Variants in KLHL29 observed in about 807,000 individuals in gnomAD.
The protein encoded by KLHL29 is kelch like family member 29.
KLHL29 carries 21 observed loss-of-function variants against 80.4 expected under a neutral mutation model. That is an observed-to-expected ratio of 0.26 (90% CI 0.19 to 0.38). The LOEUF is 0.38. Ranked by LOEUF, KLHL29 falls within the 10% of genes least tolerant of loss-of-function variation. The pLI is 1.00. For synonymous variants in KLHL29, 511 were observed against 526.8 expected (o/e 0.97, Z 0.41); for missense variants, 867 against 1,223.9 (o/e 0.71, Z 4.35).
chr2:23,636,569 T>G (rs1185913353), intron 3 of KLHL29, among the ~76,000 whole-genome samples: 1 of 152,154 alleles, frequency 6.6e-6, no homozygotes, highest in Non-Finnish European at 1.5e-5. Context: ...TACCCCAGCT[T>G]CTTTCCCTCG....
chr2:23,563,420 A>G (rs1029480151), intron 3 of KLHL29, among the ~76,000 whole-genome samples: 1 of 152,244 alleles, frequency 6.6e-6, no homozygotes, highest in African/African-American at 2.4e-5. Context: ...TCTGCTGGCC[A>G]TTCGGAGCTG....
intron 2 of KLHL29, among the ~76,000 whole-genome samples, chr2:23,534,027 AT>A (rs1375295107): frequency 6.6e-6 from 1 of 151,228 alleles, no homozygotes; most frequent in Non-Finnish European, 1.5e-5. Flanking sequence ...TTTAATTGAT[AT>A]TTGAACCAAG....
chr2:23,455,008 G>GGA (rs1553325758), intron 1 of KLHL29, among the ~76,000 whole-genome samples: 29,480 of 148,826 alleles, frequency 0.2, 4,283 homozygotes, highest in African/African-American at 0.4. Flanking sequence ...GGTTGGGGGG[G>GGA]GGGCATTTAT....
intron 3 of KLHL29, among the ~76,000 whole-genome samples, chr2:23,621,596 G>A (rs1357577063): frequency 6.6e-6 from 1 of 152,046 alleles, no homozygotes; most frequent in African/African-American, 2.4e-5. Context: ...TGGTGCTAAT[G>A]GGACAGACCC....
At chr2:23,585,580 T>C (rs1668097891) in intron 3 of KLHL29, among the ~76,000 whole-genome samples, 1 of 152,022 alleles carries the variant, frequency 6.6e-6, no homozygotes, top group Non-Finnish European at 1.5e-5. Context: ...AAGGATCTGG[T>C]TTTGGGTCTC....
At chr2:23,483,293 G>A (rs900310328) in intron 2 of KLHL29, among the ~76,000 whole-genome samples, 16 of 152,328 alleles carry the variant, frequency 1.1e-4, no homozygotes, top group Admixed American at 9.2e-4. Flanking sequence ...GCATTTATAT[G>A]TGTGTGTGCA....
intron 1 of KLHL29, among the ~76,000 whole-genome samples, chr2:23,424,711 T>C (rs1198330273): frequency 6.6e-6 from 1 of 152,218 alleles, no homozygotes; most frequent in Non-Finnish European, 1.5e-5. Context: ...AGAGATAATT[T>C]AACCAGCTTG....
At chr2:23,678,338 A>C (rs766911632) in intron 5 of KLHL29, among the ~76,000 whole-genome samples, 33 of 152,142 alleles carry the variant, frequency 2.2e-4, no homozygotes, top group Non-Finnish European at 4.0e-4. Flanking sequence ...GTTAGAGGGG[A>C]TATCTGGTCC....
intron 1 of KLHL29, among the ~76,000 whole-genome samples, chr2:23,405,451 C>T (rs1031854794): frequency 6.6e-6 from 1 of 152,192 alleles, no homozygotes; most frequent in African/African-American, 2.4e-5. Flanking sequence ...GAATAGAGGG[C>T]AGTTGAATAC....
intron 1 of KLHL29, among the ~76,000 whole-genome samples, chr2:23,403,892 G>A (rs1472777206): frequency 1.3e-5 from 2 of 152,112 alleles, no homozygotes; most frequent in African/African-American, 4.8e-5. Context: ...GGCCAGAAGA[G>A]GTGGGGGGTA....
At chr2:23,688,232 A>G (rs975924377) in intron 6 of KLHL29, among the ~76,000 whole-genome samples, 1 of 152,210 alleles carries the variant, frequency 6.6e-6, no homozygotes, top group Admixed American at 6.5e-5. Flanking sequence ...GACTGGGTGC[A>G]TGCCCATGCG....
intron 3 of KLHL29, among the ~76,000 whole-genome samples, chr2:23,618,155 A>G (rs1669070538): frequency 6.6e-6 from 1 of 152,096 alleles, no homozygotes; most frequent in South Asian, 2.1e-4. Flanking sequence ...CCTGCTTAGT[A>G]TTATTGTTTG....
chr2:23,406,122 A>G (rs1281517337), intron 1 of KLHL29, among the ~76,000 whole-genome samples: 1 of 152,132 alleles, frequency 6.6e-6, no homozygotes, highest in African/African-American at 2.4e-5. Context: ...TGAGGTCAGA[A>G]GTTCGATACC....
rs1572547486 is a variant in KLHL29, at chr2:23,707,734, G to A, written c.*1070G>A. 2 of 152,220 alleles carry A rather than the reference G, an allele frequency of 1.3e-5. No individual in the cohort carries two copies. Among genetic ancestry groups the A allele is most frequent in the Admixed American group, 1.3e-4 (2 of 15,268 alleles). The allele number at this position is 152,220 out of a possible 1,614,324, so 9.4% of individuals were successfully genotyped here. A position where few individuals can be genotyped will look rare whatever the true frequency, so the allele number is the denominator to read the frequency against. Reference sequence around the variant, plus strand: ...GAGAATTAGCGTCTATAAAGCACAGGAGACTATTTTTGATATTCATAGCTA... The same window carrying A: ...GAGAATTAGCGTCTATAAAGCACAGAAGACTATTTTTGATATTCATAGCTA... On this transcript the variant is annotated 3_prime_UTR_variant, in exon 14 of 14. Coordinates refer to ENST00000486442, the MANE Select transcript of KLHL29 (RefSeq NM_052920.2).
chr2:23,476,171 CAT>C (rs1664636958), intron 2 of KLHL29, among the ~76,000 whole-genome samples: 1 of 152,030 alleles, frequency 6.6e-6, no homozygotes, highest in Non-Finnish European at 1.5e-5. Flanking sequence ...CACCGTGCCC[CAT>C]CAGAGAATCT....
chr2:23,409,325 C>T (rs1666806842), intron 1 of KLHL29, among the ~76,000 whole-genome samples: 1 of 152,148 alleles, frequency 6.6e-6, no homozygotes, highest in Non-Finnish European at 1.5e-5. Context: ...TTAAGGCCTT[C>T]TATCAGTTAT....
Position 23,457,774 on chromosome 2 carries a change from G to A in KLHL29, c.-153-17786G>A, listed in dbSNP as rs1664097449. On this transcript the variant is annotated intron_variant, in intron 1 of 13. Transcript: ENST00000486442. The surrounding 1 kb of genome is among the most constrained non-coding windows in gnomAD (Gnocchi z 4.3). Reference sequence around the variant, plus strand: ...CACACCTGTAATCCCAGCACTTTGGGAAGCCAAGGCAGGCAGATCACGAGG... The same window carrying A: ...CACACCTGTAATCCCAGCACTTTGGAAAGCCAAGGCAGGCAGATCACGAGG... Among the ~76,000 whole-genome samples the A allele has an allele frequency of 1.3e-5, 2 of 152,176 alleles. No homozygotes were observed. Among genetic ancestry groups the A allele is most frequent in the Non-Finnish European group, 2.9e-5 (2 of 68,026 alleles).
chr2:23,615,360 C>T (rs1181282174), intron 3 of KLHL29, among the ~76,000 whole-genome samples: 1 of 152,198 alleles, frequency 6.6e-6, no homozygotes, highest in Non-Finnish European at 1.5e-5. Flanking sequence ...AGGTTGCTGC[C>T]TCCCCAGCCA....
chr2:23,590,236 C>T (rs554328607), intron 3 of KLHL29, among the ~76,000 whole-genome samples: 24 of 152,230 alleles, frequency 1.6e-4, no homozygotes, highest in Non-Finnish European at 2.8e-4. Flanking sequence ...TCTCTCTGCC[C>T]TGGGACCAGG....
Sources: allele counts gnomAD v4.1 joint callset (sites outside exome capture counted in the v4.1 genomes callset), GRCh38; gene constraint gnomAD v4.1.1; non-coding constraint Gnocchi (gnomAD v3.1); transcripts MANE v1.5; gene names NCBI Gene and HGNC (gene_info 2026-07-23, HGNC 2026-07-21).